The following KCNJ3 variants were observed in gnomAD, a reference collection of about 807,000 sequenced individuals.
KCNJ3 encodes G protein-activated inward rectifier potassium channel 1.
In KCNJ3, 4 loss-of-function variants were observed where a neutral mutation model predicts 39.2. That is an observed-to-expected ratio of 0.10 (90% confidence interval 0.05 to 0.23). The LOEUF is 0.23. Ranked by LOEUF, KCNJ3 falls within the 10% of genes least tolerant of loss-of-function variation. The probability of loss-of-function intolerance (pLI) is 1.00; values close to 1 mark genes in which losing one functional copy is unlikely to be tolerated. For missense variants in KCNJ3, 276 were observed against 634.9 expected (o/e 0.43, Z 6.08); for synonymous variants, 230 against 237.4 (o/e 0.97, Z 0.29).
chr2:154,783,039 G>A (rs777702495), intron 2 of KCNJ3, among the ~76,000 whole-genome samples: 10 of 152,004 alleles, frequency 6.6e-5, no homozygotes, highest in Non-Finnish European at 1.5e-4. Flanking sequence ...TTAGCCGGGC[G>A]TGGTCGTGGG....
chr2:154,726,777 CACAT>C (rs1473910512), intron 2 of KCNJ3, among the ~76,000 whole-genome samples: 8 of 142,230 alleles, frequency 5.6e-5, no homozygotes, highest in Admixed American at 2.9e-4. Flanking sequence ...CACACACACA[CACAT>C]ACATTTTATA....
At chr2:154,798,427 T>A (rs1037215502) in intron 2 of KCNJ3, among the ~76,000 whole-genome samples, 1 of 152,198 alleles carries the variant, frequency 6.6e-6, no homozygotes, top group Non-Finnish European at 1.5e-5. Context: ...AAGTTTATTC[T>A]AAAGTCTATC....
intron 1 of KCNJ3, among the ~76,000 whole-genome samples, chr2:154,708,571 G>C (rs1184937745): frequency 1.3e-5 from 2 of 151,848 alleles, no homozygotes; most frequent in African/African-American, 4.8e-5. Flanking sequence ...ATTTTTTTCT[G>C]TATTTAATTC....
At chr2:154,722,877 A>G (rs932079914) in intron 2 of KCNJ3, among the ~76,000 whole-genome samples, 1 of 152,178 alleles carries the variant, frequency 6.6e-6, no homozygotes, top group African/African-American at 2.4e-5. Flanking sequence ...GGAAGACTTG[A>G]AAACTCAAAG....
intron 2 of KCNJ3, among the ~76,000 whole-genome samples, chr2:154,754,338 C>T (rs999878187): frequency 3.3e-5 from 5 of 152,076 alleles, no homozygotes; most frequent in African/African-American, 1.2e-4. Flanking sequence ...GGTGCGATCT[C>T]GGCTCACTGC....
chr2:154,702,174 T>G (rs942689450), intron 1 of KCNJ3, among the ~76,000 whole-genome samples: 5 of 151,934 alleles, frequency 3.3e-5, no homozygotes, highest in African/African-American at 7.2e-5. Flanking sequence ...ACACACAATT[T>G]CCCCCTTTTA....
At chr2:154,752,581 C>T (rs1011612426) in intron 2 of KCNJ3, among the ~76,000 whole-genome samples, 2 of 151,892 alleles carry the variant, frequency 1.3e-5, no homozygotes, top group African/African-American at 4.8e-5. Flanking sequence ...CTATGATGAT[C>T]CCAGTAATAG....
chr2:154,792,299 G>A (rs1012169154), intron 2 of KCNJ3, among the ~76,000 whole-genome samples: 1 of 152,062 alleles, frequency 6.6e-6, no homozygotes, highest in Admixed American at 6.6e-5. Context: ...TAAAAGTAGT[G>A]TGTGCTCCTT....
chr2:154,849,810 G>A (rs1042895033), intron 2 of KCNJ3, among the ~76,000 whole-genome samples: 10 of 152,010 alleles, frequency 6.6e-5, no homozygotes, highest in African/African-American at 2.4e-4. Context: ...TTGAATGAAT[G>A]TTTAATTCAG....
At chr2:154,789,195 T>C (rs1686585222) in intron 2 of KCNJ3, among the ~76,000 whole-genome samples, 1 of 152,108 alleles carries the variant, frequency 6.6e-6, no homozygotes, top group Non-Finnish European at 1.5e-5. Flanking sequence ...AATATTAGAT[T>C]TTTTAATCAA....
At chr2:154,778,479 G>A (rs1461130694) in intron 2 of KCNJ3, among the ~76,000 whole-genome samples, 1 of 152,076 alleles carries the variant, frequency 6.6e-6, no homozygotes, top group Admixed American at 6.6e-5. Context: ...AAGACAGGAA[G>A]TGTGTTCTAC....
chr2:154,745,511 G>GT (rs1003382827), intron 2 of KCNJ3, among the ~76,000 whole-genome samples: 4 of 151,616 alleles, frequency 2.6e-5, no homozygotes, highest in African/African-American at 9.7e-5. Context: ...CTGTTGTTGT[G>GT]TTTTTCAGTC....
intron 2 of KCNJ3, among the ~76,000 whole-genome samples, chr2:154,818,529 A>G (rs1266971543): frequency 6.6e-6 from 1 of 152,152 alleles, no homozygotes; most frequent in Non-Finnish European, 1.5e-5. Flanking sequence ...GTGATATCTC[A>G]GTTATTTCTC....
At position 154,849,381 on chromosome 2, in the gene KCNJ3, C is replaced by A. The variant is rs1687717139; in HGVS notation, c.920-5346C>A. 2.6e-5 allele frequency among the ~76,000 whole-genome samples: 4 copies of A among 152,152 alleles called. No individual in the cohort carries two copies. The South Asian group carries it at 8.3e-4, about 31-fold the overall frequency. ...TGTTTGATGTACGTGTGATAAAACA[C>A]AGCCACAGCTACCATTACAGGAGAA... On this transcript the variant is annotated intron_variant, in intron 2 of 2. Coordinates refer to ENST00000295101, the MANE Select transcript of KCNJ3 (RefSeq NM_002239.4).
intron 2 of KCNJ3, among the ~76,000 whole-genome samples, chr2:154,757,462 C>T (rs537664660): frequency 1.3e-5 from 2 of 152,070 alleles, no homozygotes; most frequent in South Asian, 4.2e-4. Flanking sequence ...GCCCTTTTCT[C>T]CCTCTATAAA....
chr2:154,828,827 G>T (rs1214934504), intron 2 of KCNJ3, among the ~76,000 whole-genome samples: 1 of 151,886 alleles, frequency 6.6e-6, no homozygotes, highest in Non-Finnish European at 1.5e-5. Context: ...AAGATTTAGG[G>T]GTAAAATATT....
At chr2:154,838,612 G>A (rs920653737) in intron 2 of KCNJ3, among the ~76,000 whole-genome samples, 3 of 152,180 alleles carry the variant, frequency 2.0e-5, no homozygotes, top group African/African-American at 7.2e-5. Flanking sequence ...TGGTAAGTTA[G>A]AACTAGATTT....
intron 1 of KCNJ3, among the ~76,000 whole-genome samples, chr2:154,706,652 T>A (rs954695469): frequency 6.6e-6 from 1 of 152,120 alleles, no homozygotes. Context: ...GCTTTTTTTT[T>A]CCTCCTGCAA....
chr2:154,828,218 G>A (rs553365358), intron 2 of KCNJ3, among the ~76,000 whole-genome samples: 1 of 152,116 alleles, frequency 6.6e-6, no homozygotes, highest in South Asian at 2.1e-4. Context: ...TTACTGCATG[G>A]GTAGGTTTCA....
Sources: gnomAD v4.1 joint callset for allele counts (sites outside exome capture counted in the v4.1 genomes callset) on GRCh38, gnomAD v4.1.1 for gene constraint, MANE v1.5 for transcripts, NCBI Gene and HGNC (gene_info 2026-07-23, HGNC 2026-07-21) for gene names.